Variants in KIAA0930 observed in about 807,000 individuals in gnomAD.
KIAA0930 encodes uncharacterized protein KIAA0930.
In KIAA0930, 24 loss-of-function variants were observed where a neutral mutation model predicts 43.9. That is an observed-to-expected ratio of 0.55 (90% CI 0.40 to 0.77). KIAA0930 has a LOEUF of 0.77. KIAA0930 is among the 30% of genes least tolerant of loss of function. The pLI, the probability that KIAA0930 is intolerant of heterozygous loss-of-function variation, is 0.00. For synonymous variants in KIAA0930, 259 were observed against 216.4 expected, an observed-to-expected ratio of 1.20 and a Z score of -1.73; for missense variants, 461 against 574.2, an observed-to-expected ratio of 0.80 and a Z score of 2.02.
In KIAA0930 at chr22:45,197,946, C is replaced by T. The variant is rs779917518; in HGVS notation, c.1018G>A (p.Asp340Asn). ...EFFREDDGGA[D>N]LHNATNLRSR... ...CGCAGGTTGGTTGCATTGTGCAGAT[C>T]GGCTGGAGGAAAGAAGGCCAGGTCA... Residue 340 changes from aspartate to asparagine, a missense_variant and splice_region_variant, in exon 9 of 10, where the codon GAT (aspartate) becomes AAT (asparagine). Coordinates refer to ENST00000336156, the MANE Select transcript of KIAA0930 (RefSeq NM_001009880.2). The T allele has an allele frequency of 5.3e-5, 86 of 1,613,722 alleles. No homozygotes were observed. The East Asian group carries it at 1.6e-3, about 31-fold the overall frequency.
intron 7 of KIAA0930, chr22:45,201,003 A>G (rs1569071809): frequency 5.6e-6 from 3 of 532,894 alleles, no homozygotes; most frequent in Middle Eastern, 6.6e-4. Context: ...AACTTGGCCC[A>G]TCTCCTCCCT....
At chr22:45,200,597 ACC>A (rs951253409) in intron 7 of KIAA0930, among the ~76,000 whole-genome samples, 1 of 151,884 alleles carries the variant, frequency 6.6e-6, no homozygotes, top group African/African-American at 2.4e-5. Context: ...CATTCCCAGC[ACC>A]CTTCACAGGA....
intron 7 of KIAA0930, among the ~76,000 whole-genome samples, chr22:45,201,239 C>T (rs537780093): frequency 5.3e-5 from 8 of 152,348 alleles, no homozygotes; most frequent in Middle Eastern, 3.4e-3. Flanking sequence ...TGGCTCCAGA[C>T]GACCCCGCCA....
At chr22:45,199,845 GA>G in intron 8 of KIAA0930, 27 bp downstream of exon 8, 1 of 1,519,948 alleles carries the variant, frequency 6.6e-7, no homozygotes. Flanking sequence ...AGGGCACGGG[GA>G]CCCTAGGGCA....
chr22:45,208,812 C>G (rs2054918629), intron 2 of KIAA0930, among the ~76,000 whole-genome samples: 1 of 152,214 alleles, frequency 6.6e-6, no homozygotes, highest in African/African-American at 2.4e-5. Flanking sequence ...TGTGTGACCC[C>G]AGGAAGCTTC....
At chr22:45,213,135 A>C (rs2083708938) in intron 1 of KIAA0930, among the ~76,000 whole-genome samples, 1 of 152,178 alleles carries the variant, frequency 6.6e-6, no homozygotes. Context: ...GCTCACAGGC[A>C]GGCCAGTGGG....
chr22:45,202,770 C>T, intron 7 of KIAA0930: 1 of 500,306 alleles, frequency 2.0e-6, no homozygotes, highest in South Asian at 3.0e-5. Flanking sequence ...TCCAGGTCTG[C>T]AAGGCAGGAA....
In KIAA0930 at chr22:45,197,227, C is replaced by T; in HGVS notation, c.1175-11G>A. On this transcript the variant is annotated splice_polypyrimidine_tract_variant and intron_variant, in intron 9 of 9. Coordinates refer to ENST00000336156, the MANE Select transcript of KIAA0930 (RefSeq NM_001009880.2). ...GAACTTCCAGGATGTCTAGGGCCGG[C>T]AGGAGGGAAGCAGGTGAAACAGTAA... The T allele has an allele frequency of 6.5e-7, 1 of 1,549,660 alleles. No individual in the cohort carries two copies.
chr22:45,232,892 A>C (rs1032783860), intron 1 of KIAA0930, among the ~76,000 whole-genome samples: 1 of 152,104 alleles, frequency 6.6e-6, no homozygotes, highest in Non-Finnish European at 1.5e-5. Flanking sequence ...GCTTTGACTC[A>C]GGGGCACAGG....
chr22:45,200,466 C>G (rs1188308046), intron 7 of KIAA0930, among the ~76,000 whole-genome samples: 1 of 152,156 alleles, frequency 6.6e-6, no homozygotes, highest in African/African-American at 2.4e-5. Context: ...GAAACTAAGG[C>G]AGGGACCGAG....
rs1164516584 is a variant in KIAA0930 at position 45,193,941 on chromosome 22, T to C, written c.*3235A>G. ...GCCCACCCTACAACTTTCTTTTTAATGTTCTAAAAAGTGACACCTAGGTTT... is the reference window on the plus strand; with the variant it reads ...GCCCACCCTACAACTTTCTTTTTAACGTTCTAAAAAGTGACACCTAGGTTT... On this transcript the variant is annotated 3_prime_UTR_variant, in exon 10 of 10. Transcript: ENST00000336156. 2 of 151,798 alleles carry C rather than the reference T, an allele frequency of 1.3e-5. No individual in the cohort carries two copies. Among genetic ancestry groups the C allele is most frequent in the Non-Finnish European group, 2.9e-5 (2 of 68,006 alleles). The allele number at this position is 151,798 out of a possible 1,614,324, so 9.4% of individuals were successfully genotyped here. A position where few individuals can be genotyped will look rare whatever the true frequency, so the allele number is the denominator to read the frequency against.
intron 1 of KIAA0930, among the ~76,000 whole-genome samples, chr22:45,230,656 A>C (rs2083847272): frequency 6.9e-6 from 1 of 144,184 alleles, no homozygotes; most frequent in Non-Finnish European, 1.5e-5. Context: ...ATCTTGGTTC[A>C]CTGCAACCTC....
chr22:45,204,102 C>G, intron 5 of KIAA0930, 117 bp from the exon 6 acceptor site: 1 of 1,347,758 alleles, frequency 7.4e-7, no homozygotes, highest in East Asian at 2.3e-5. Flanking sequence ...AGGGGACAAC[C>G]GGCTGTCACA....
intron 2 of KIAA0930, chr22:45,207,429 T>G (rs995914000): frequency 6.6e-6 from 1 of 151,876 alleles, no homozygotes; most frequent in Non-Finnish European, 1.5e-5. Flanking sequence ...TTCACGTGAT[T>G]CTCCTGCCCC....
At chr22:45,227,380 C>G (rs1280750452) in intron 1 of KIAA0930, among the ~76,000 whole-genome samples, 2 of 152,158 alleles carry the variant, frequency 1.3e-5, no homozygotes, top group Non-Finnish European at 2.9e-5. Context: ...TTGTGAAAAC[C>G]AGGGGGCTGG....
chr22:45,233,688 T>C (rs1475647262), intron 1 of KIAA0930, among the ~76,000 whole-genome samples: 2 of 151,984 alleles, frequency 1.3e-5, no homozygotes, highest in Non-Finnish European at 2.9e-5. Flanking sequence ...CGGGTTTGGG[T>C]GATAGGCAGT....
intron 1 of KIAA0930, among the ~76,000 whole-genome samples, chr22:45,221,015 C>G (rs2083764736): frequency 6.6e-6 from 1 of 152,154 alleles, no homozygotes; most frequent in South Asian, 2.1e-4. Context: ...GAACACACAT[C>G]AGTTCTGGTC....
At position 45,196,845 on chromosome 22, in the gene KIAA0930, G is replaced by A. The variant is rs1236284443; in HGVS notation, c.*331C>T. The A allele has an allele frequency of 3.1e-6, 1 of 321,866 alleles. No homozygotes were observed. The highest frequency in any genetic ancestry group is 5.7e-6 in the Non-Finnish European group (1 of 175,632). The allele number at this position is 321,866 out of a possible 1,614,324, so 19.9% of individuals were successfully genotyped here. On this transcript the variant is annotated 3_prime_UTR_variant, in exon 10 of 10. Coordinates refer to ENST00000336156, the MANE Select transcript of KIAA0930 (RefSeq NM_001009880.2). This position sits in a 1 kb window ranked among gnomAD's most constrained non-coding sequence, Gnocchi z 4.1. ...AACATAGACCCGCCGCTCTGGCCCC[G>A]CTCTGGGCATCAGCTGCTCCTTCCG...
Position 45,215,637 on chromosome 22 carries a change from A to G in KIAA0930, c.65-3530T>C, listed in dbSNP as rs936329262. 3.3e-5 allele frequency among the ~76,000 whole-genome samples: 5 copies of G among 152,212 alleles called. No individual in the cohort carries two copies. The South Asian group carries it at 1.0e-3, about 32-fold the overall frequency. ...ATCTTTTTAAACGATGGCTATAAAG[A>G]CTACACACAGATGCATGGGAATACG... On this transcript the variant is annotated intron_variant, in intron 1 of 9. Coordinates refer to ENST00000336156, the MANE Select transcript of KIAA0930 (RefSeq NM_001009880.2).
Sources: allele counts gnomAD v4.1 joint callset (sites outside exome capture counted in the v4.1 genomes callset), GRCh38; gene constraint gnomAD v4.1.1; non-coding constraint Gnocchi (gnomAD v3.1); transcripts MANE v1.5; gene names NCBI Gene and HGNC (gene_info 2026-07-23, HGNC 2026-07-21).